The following TRIM37 variants were observed in gnomAD, a reference collection of about 807,000 sequenced individuals.
TRIM37 encodes the protein tripartite motif containing 37, also known as E3 ubiquitin-protein ligase TRIM37.
A neutral mutation model predicts 129.8 loss-of-function variants in TRIM37; 80 were observed. The ratio of observed to expected loss-of-function variants is 0.62; its 90% CI spans 0.51 to 0.74. The LOEUF (loss-of-function observed/expected upper bound fraction) is 0.74. Ranked by LOEUF, TRIM37 falls within the 30% of genes least tolerant of loss-of-function variation. The pLI, the probability that TRIM37 is intolerant of heterozygous loss-of-function variation, is 0.00. For synonymous variants in TRIM37, 389 were observed against 387.1 expected (o/e 1.00, Z -0.06); for missense variants, 1,054 against 1,176.5 (o/e 0.90, Z 1.52).
chr17:59,057,070 A>T lies in TRIM37; in HGVS notation c.1020-16T>A, dbSNP rs1288145564. ...ATATTCATATCTAAAATTGAAAAAC[A>T]GACCATTACTATACAGTTAGTAAAG... On this transcript the variant is annotated splice_polypyrimidine_tract_variant and intron_variant, in intron 12 of 23. Transcript: ENST00000262294. 1 of 1,610,426 alleles carries T rather than the reference A, an allele frequency of 6.2e-7. No individual in the cohort carries two copies. The highest frequency in any genetic ancestry group is 1.7e-5 in the Admixed American group (1 of 60,026).
Position 59,053,009 on chromosome 17 carries a change from T to G in TRIM37, c.1200-1681A>C, listed in dbSNP as rs553303043. ...AATCAAATCAAATCAAATCAAGAGATTAAATTACGTTCTGAACGGAACTGA... is the reference window on the plus strand; with the variant it reads ...AATCAAATCAAATCAAATCAAGAGAGTAAATTACGTTCTGAACGGAACTGA... On this transcript the variant is annotated intron_variant, in intron 13 of 23. Transcript: ENST00000262294. Among the ~76,000 whole-genome samples, 15 of 128,110 alleles carry G rather than the reference T, an allele frequency of 1.2e-4. No homozygotes were observed. In the South Asian group the frequency reaches 3.4e-3, roughly 29 times the overall value. The allele number at this position is 128,110 out of a possible 152,430, so 84.0% of individuals were successfully genotyped here.
At chr17:58,992,279 ATTT>A in intron 24 of TRIM37, among the ~76,000 whole-genome samples, 1 of 142,150 alleles carries the variant, frequency 7.0e-6, no homozygotes, top group South Asian at 2.1e-4. Flanking sequence ...ATATATATAT[ATTT>A]ATATTTATAT....
At position 59,062,689 on chromosome 17, in the gene TRIM37, T is replaced by A. The variant is rs1175053972; in HGVS notation, c.861-41A>T. On this transcript the variant is annotated intron_variant, in intron 10 of 23. Transcript: ENST00000262294. The stretch of plus-strand genomic sequence containing the variant: ...ACCAACCAAATCCCAAGATCAAAAC[T>A]GTTGTGAAATGGCAACAGGCAAAAA... 3 of 1,546,712 alleles carry A rather than the reference T, an allele frequency of 1.9e-6. No individual in the cohort carries two copies. In the South Asian group the frequency reaches 3.4e-5, roughly 17 times the overall value.
chr17:59,085,312 G>T (rs888813100), intron 4 of TRIM37, among the ~76,000 whole-genome samples: 2 of 151,808 alleles, frequency 1.3e-5, no homozygotes, highest in Non-Finnish European at 2.9e-5. Flanking sequence ...GTGCAACAGA[G>T]CAAGACTCTG....
At chr17:59,063,604 G>A (rs1265233537) in intron 10 of TRIM37, among the ~76,000 whole-genome samples, 2 of 152,110 alleles carry the variant, frequency 1.3e-5, no homozygotes, top group East Asian at 3.9e-4. Flanking sequence ...TGCATGTTAC[G>A]ATCTTCACTT....
intron 24 of TRIM37, among the ~76,000 whole-genome samples, chr17:58,989,863 A>C (rs2032187599): frequency 6.6e-6 from 1 of 152,156 alleles, no homozygotes; most frequent in African/African-American, 2.4e-5. Flanking sequence ...AATGACAGAC[A>C]CAAAACCACA....
At chr17:59,018,726 T>A (rs992581142) in intron 19 of TRIM37, among the ~76,000 whole-genome samples, 1 of 152,048 alleles carries the variant, frequency 6.6e-6, no homozygotes, top group Non-Finnish European at 1.5e-5. Flanking sequence ...AGCTGTGTTT[T>A]TTTTTTTTTG....
intron 9 of TRIM37, among the ~76,000 whole-genome samples, chr17:59,068,438 C>A (rs1824104706): frequency 6.6e-6 from 1 of 152,202 alleles, no homozygotes; most frequent in South Asian, 2.1e-4. Context: ...TTGAAAAATA[C>A]TAATTTTTAT....
chr17:58,994,180 C>A (rs1026242423), downstream of TRIM37, among the ~76,000 whole-genome samples: 8 of 152,064 alleles, frequency 5.3e-5, no homozygotes, highest in South Asian at 2.1e-4. Flanking sequence ...TGGAGCTGAA[C>A]TGTTACCAAT....
chr17:59,102,424 T>C (rs2045597961), intron 2 of TRIM37, among the ~76,000 whole-genome samples: 1 of 152,216 alleles, frequency 6.6e-6, no homozygotes, highest in Non-Finnish European at 1.5e-5. Context: ...GGAGTCCAAT[T>C]ACTTAATTTA....
At chr17:59,022,329 A>C (rs1030821414) in intron 19 of TRIM37, among the ~76,000 whole-genome samples, 3 of 152,250 alleles carry the variant, frequency 2.0e-5, no homozygotes, top group African/African-American at 7.2e-5. Flanking sequence ...AAAATAATAT[A>C]ATTTACTTTA....
intron 1 of TRIM37, among the ~76,000 whole-genome samples, chr17:59,105,147 A>G (rs1198816885): frequency 6.6e-6 from 1 of 152,082 alleles, no homozygotes; most frequent in African/African-American, 2.4e-5. Flanking sequence ...TGAATACACA[A>G]CATGAACTTT....
Position 59,064,421 on chromosome 17 carries a change from C to CA in TRIM37, c.810-17dup, listed in dbSNP as rs766635635. ...CACTAATTCACTAAAAAAAAAAAGGCAAAAAAAATTATTTAGCTTACATGT... is the reference window on the plus strand; with the variant it reads ...CACTAATTCACTAAAAAAAAAAAGGCAAAAAAAAATTATTTAGCTTACATGT... On this transcript the variant is annotated splice_polypyrimidine_tract_variant and intron_variant, in intron 9 of 23. Transcript: ENST00000262294. 20 of 1,517,822 alleles carry CA rather than the reference C, an allele frequency of 1.3e-5. No individual in the cohort carries two copies. Among genetic ancestry groups the CA allele is most frequent in the Admixed American group, 1.9e-5 (1 of 53,614 alleles). The allele number at this position is 1,517,822 out of a possible 1,614,324, so 94.0% of individuals were successfully genotyped here.
At chr17:58,997,445 A>G (rs2033121468), downstream of TRIM37, among the ~76,000 whole-genome samples, 1 of 152,184 alleles carries the variant, frequency 6.6e-6, no homozygotes, top group Admixed American at 6.5e-5. Context: ...TTGAACCTGA[A>G]GAGAATCATA....
chr17:59,009,854 A>C (rs541906186), intron 22 of TRIM37, among the ~76,000 whole-genome samples: 1 of 152,334 alleles, frequency 6.6e-6, no homozygotes, highest in Admixed American at 6.5e-5. Context: ...TACCATGTAG[A>C]GTTATTCTGA....
chr17:58,973,108 T>C, the TRIM37 span, among the ~76,000 whole-genome samples: 3 of 152,226 alleles, frequency 2.0e-5, no homozygotes, highest in African/African-American at 7.2e-5. Flanking sequence ...TACATTTATA[T>C]ACTTAAATTC....
At chr17:59,098,134 A>G (rs993896289) in intron 2 of TRIM37, among the ~76,000 whole-genome samples, 1 of 152,216 alleles carries the variant, frequency 6.6e-6, no homozygotes, top group Non-Finnish European at 1.5e-5. Flanking sequence ...GAAATAAACA[A>G]AAATATTTTA....
At chr17:59,086,702 T>C (rs1360599211) in intron 4 of TRIM37, among the ~76,000 whole-genome samples, 1 of 152,234 alleles carries the variant, frequency 6.6e-6, no homozygotes, top group Non-Finnish European at 1.5e-5. Context: ...TGGAAGCTCA[T>C]TTAGCAAGAC....
Position 59,028,631 on chromosome 17 carries a change from G to A in TRIM37, c.2041C>T (p.Gln681Ter), listed in dbSNP as rs1165530382. The stretch of plus-strand genomic sequence containing the variant: ...TTCATACATCGAACTTCGGCCATTT[G>A]AGTTTTGAGTCTTTTTAGCATCTTT... ...DLKMLKRLKT[Q>*]MAEVRCMKTD... Residue 681 changes from glutamine (Q) to a stop codon, truncating the protein, a stop_gained, in exon 19 of 24, where the codon CAA becomes TAA. Coordinates refer to ENST00000262294, the MANE Select transcript of TRIM37 (RefSeq NM_015294.6). LOFTEE classifies it high-confidence loss of function. 3 of 1,614,220 alleles carry A rather than the reference G, an allele frequency of 1.9e-6. No homozygotes were observed. The highest frequency in any genetic ancestry group is 2.5e-6 in the Non-Finnish European group (3 of 1,180,038).
Sources: allele counts gnomAD v4.1 joint callset (sites outside exome capture counted in the v4.1 genomes callset), GRCh38; gene constraint gnomAD v4.1.1; transcripts MANE v1.5; gene names NCBI Gene and HGNC (gene_info 2026-07-23, HGNC 2026-07-21).